Variants in AGMO observed in about 807,000 individuals in gnomAD.
AGMO encodes the protein glyceryl-ether monooxygenase.
Under a neutral mutation model 60.2 loss-of-function variants are expected in AGMO, and 75 were observed. That is an observed-to-expected ratio of 1.25 (90% CI 1.03 to 1.51). The LOEUF (loss-of-function observed/expected upper bound fraction) is 1.51, where lower values mean the gene tolerates loss of function less well. Ranked by LOEUF, AGMO falls within the 40% of genes most tolerant of loss-of-function variation. The probability of loss-of-function intolerance (pLI) is 0.00; values close to 1 mark genes in which losing one functional copy is unlikely to be tolerated. For missense variants in AGMO, 763 were observed against 525.5 expected (o/e 1.45, Z -4.42); for synonymous variants, 261 against 177.1 (o/e 1.47, Z -3.76).
At position 15,398,106 on chromosome 7, in the gene AGMO, A is replaced by T. The variant is rs10247106; in HGVS notation, c.610-3927T>A. Among the ~76,000 whole-genome samples, 847 of 152,068 alleles carry T rather than the reference A, an allele frequency of 5.6e-3. 11 individuals are homozygous for T. Among genetic ancestry groups the T allele is most frequent in the African/African-American group, 0.019 (804 of 41,376 alleles). ...CTTGTTTGTTTCTTTGGTGCCCAAC[A>T]TGTGTTACAAAAACAAACAACAAAT... On this transcript the variant is annotated intron_variant, in intron 5 of 12. Coordinates refer to ENST00000342526, the MANE Select transcript of AGMO (RefSeq NM_001004320.2).
intron 12 of AGMO, among the ~76,000 whole-genome samples, chr7:15,202,482 A>AAAAAAAAAAAAAAAAAC: frequency 7.5e-6 from 1 of 132,698 alleles, no homozygotes; most frequent in Admixed American, 7.8e-5. Context: ...AAAAAAAAAA[A>AAAAAAAAAAAAAAAAAC]AAAAAAACCC....
chr7:15,241,415 G>A (rs952728293), intron 12 of AGMO, among the ~76,000 whole-genome samples: 3 of 134,164 alleles, frequency 2.2e-5, no homozygotes, highest in African/African-American at 8.5e-5. Context: ...AGCCGGGATA[G>A]CGCCACTGCA....
chr7:15,326,371 C>A (rs1446497645), intron 12 of AGMO, among the ~76,000 whole-genome samples: 1 of 152,122 alleles, frequency 6.6e-6, no homozygotes, highest in East Asian at 1.9e-4. Context: ...AGCGTCTTGG[C>A]AAAATGTAAA....
chr7:15,313,870 G>GTC (rs146059141), intron 12 of AGMO, among the ~76,000 whole-genome samples: 27 of 150,982 alleles, frequency 1.8e-4, no homozygotes, highest in East Asian at 3.9e-4. Flanking sequence ...TGCAGATGGG[G>GTC]TCTCTCTCTC....
chr7:15,385,085 G>C (rs1473671127), intron 10 of AGMO, among the ~76,000 whole-genome samples: 1 of 152,080 alleles, frequency 6.6e-6, no homozygotes, highest in Non-Finnish European at 1.5e-5. Context: ...TCTAAGTGAA[G>C]GTAAGTATGT....
chr7:15,137,102 A>G, the AGMO span, among the ~76,000 whole-genome samples: 10 of 152,334 alleles, frequency 6.6e-5, no homozygotes, highest in African/African-American at 2.4e-4. Flanking sequence ...TTTTCTGGTT[A>G]TAGAAGCCTA....
At chr7:15,552,938 T>G (rs1157392093) in intron 2 of AGMO, among the ~76,000 whole-genome samples, 3 of 151,622 alleles carry the variant, frequency 2.0e-5, no homozygotes, top group African/African-American at 7.3e-5. Flanking sequence ...CCAACAATGA[T>G]AGACTGGATT....
rs568647155 is a variant in AGMO, at chr7:15,351,593, A to G, written c.1263+13921T>C. Among the ~76,000 whole-genome samples, 83 of 152,308 alleles carry G rather than the reference A, an allele frequency of 5.4e-4. 1 individual carries two copies. The Middle Eastern group carries it at 0.014, about 25-fold the overall frequency. On this transcript the variant is annotated intron_variant, in intron 12 of 12. Transcript: ENST00000342526. ...TCGTATCTTGTAAAAAAGAAAGTCT[A>G]AATACTTGGAAGTGCCAGGTGACAA...
intron 10 of AGMO, among the ~76,000 whole-genome samples, chr7:15,371,696 C>T (rs1299681175): frequency 2.8e-5 from 4 of 142,642 alleles, no homozygotes; most frequent in Non-Finnish European, 6.1e-5. Flanking sequence ...CTGAACCCAG[C>T]CAACGGCTGA....
chr7:15,431,008 G>A lies in AGMO; in HGVS notation c.510C>T (p.Ser170=). 6.4e-7 allele frequency: 1 copy of A among 1,574,328 alleles called. No individual in the cohort carries two copies. The highest frequency in any genetic ancestry group is 8.7e-7 in the Non-Finnish European group (1 of 1,154,054). ...TATTCCATTTCATACAACTTACCCA[G>A]GAAGTATATATCTGGAGGACAGACT... The part of the protein sequence containing the change: ...LRQSVLQIYT[S]WIFYSPLALF... Residue 170 remains serine (S), a synonymous_variant, in exon 4 of 13, where the codon TCC becomes TCT. Coordinates refer to ENST00000342526, the MANE Select transcript of AGMO (RefSeq NM_001004320.2).
rs1282233781 is a variant in AGMO at position 15,387,902 on chromosome 7, CTCTT to C, written c.823-366_823-363del. 1.3e-3 allele frequency among the ~76,000 whole-genome samples: 141 copies of C among 109,506 alleles called. 5 individuals carry two copies. In the East Asian group the frequency reaches 0.028, roughly 22 times the overall value. 71.8% of individuals were successfully genotyped at this position (109,506 alleles called of 152,430 possible). ...CAACATCCCTCCCTAATGACACATT[CTCTT>C]TTTTTTTTTTTTTTTCCCCAAGACA... On this transcript the variant is annotated intron_variant, in intron 8 of 12. Transcript: ENST00000342526.
chr7:15,217,954 C>T (rs1482786921), intron 12 of AGMO, among the ~76,000 whole-genome samples: 1 of 151,934 alleles, frequency 6.6e-6, no homozygotes, highest in Non-Finnish European at 1.5e-5. Flanking sequence ...TGTAGGTAAA[C>T]TGTGTGTCCT....
Position 15,474,320 on chromosome 7 carries a change from C to T in AGMO, c.410-43212G>A, listed in dbSNP as rs141918328. Among the ~76,000 whole-genome samples, 641 of 152,212 alleles carry T rather than the reference C, an allele frequency of 4.2e-3. 4 individuals are homozygous for T. The highest frequency in any genetic ancestry group is 5.3e-3 in the Non-Finnish European group (362 of 68,012). On this transcript the variant is annotated intron_variant, in intron 3 of 12. Coordinates refer to ENST00000342526, the MANE Select transcript of AGMO (RefSeq NM_001004320.2). The stretch of plus-strand genomic sequence containing the variant: ...AAACTATACTACAAGCCTACAGTAA[C>T]CAAAACAGCTTGGTACTGGTACCAA...
chr7:15,481,995 T>C (rs1201792441), intron 3 of AGMO, among the ~76,000 whole-genome samples: 1 of 151,912 alleles, frequency 6.6e-6, no homozygotes, highest in African/African-American at 2.4e-5. Context: ...AAACATAACA[T>C]ATCACAAATT....
At position 15,501,175 on chromosome 7, in the gene AGMO, C is replaced by T. The variant is rs995815867; in HGVS notation, c.409+43597G>A. 3.3e-5 allele frequency among the ~76,000 whole-genome samples: 5 copies of T among 151,812 alleles called. No individual in the cohort carries two copies. In the East Asian group the frequency reaches 9.6e-4, roughly 29 times the overall value. On this transcript the variant is annotated intron_variant, in intron 3 of 12. Transcript: ENST00000342526. ...TCTATCCTGTGGTGTTTGGCTGGAG[C>T]GTTCCATAAATGTCTATTAGGTCCA...
chr7:15,197,805 T>TA (rs1781158010), downstream of AGMO, among the ~76,000 whole-genome samples: 1 of 152,204 alleles, frequency 6.6e-6, no homozygotes, highest in South Asian at 2.1e-4. Flanking sequence ...ACTCTGAACT[T>TA]AAACTCCTCA....
intron 12 of AGMO, among the ~76,000 whole-genome samples, chr7:15,341,581 C>T (rs1023896710): frequency 6.6e-6 from 1 of 152,168 alleles, no homozygotes; most frequent in Non-Finnish European, 1.5e-5. Flanking sequence ...CTGTTCCAAG[C>T]TTTGCCTGTT....
chr7:15,301,675 A>G (rs1420616835), intron 12 of AGMO, among the ~76,000 whole-genome samples: 1 of 152,196 alleles, frequency 6.6e-6, no homozygotes, highest in Non-Finnish European at 1.5e-5. Flanking sequence ...TTAGAGGATA[A>G]TAGAAATGTT....
At chr7:15,394,084 A>G in intron 6 of AGMO, 29 bp downstream of exon 6, 1 of 1,537,442 alleles carries the variant, frequency 6.5e-7, no homozygotes, top group East Asian at 2.3e-5. Flanking sequence ...AGAAATGAAG[A>G]AAAGAGAGAA....
Sources: gnomAD v4.1 joint callset for allele counts (sites outside exome capture counted in the v4.1 genomes callset) on GRCh38, gnomAD v4.1.1 for gene constraint, MANE v1.5 for transcripts, NCBI Gene and HGNC (gene_info 2026-07-23, HGNC 2026-07-21) for gene names.